Variants in SKIL observed in about 807,000 individuals in gnomAD.
SKIL encodes SKI like proto-oncogene, also known as ski-like protein.
Under a neutral mutation model 69.6 loss-of-function variants are expected in SKIL, and 20 were observed. The observed-to-expected ratio is 0.29, with a 90% CI of 0.20 to 0.42. The LOEUF is 0.42. SKIL is among the 10% of genes least tolerant of loss of function. SKIL has a pLI of 1.00. For missense variants in SKIL, 745 were observed against 783.1 expected (o/e 0.95, Z 0.58); for synonymous variants, 310 against 279.9 (o/e 1.11, Z -1.08).
intron 2 of SKIL, among the ~76,000 whole-genome samples, chr3:170,374,184 CTTATT>C (rs991926758): frequency 7.2e-5 from 11 of 152,146 alleles, no homozygotes; most frequent in Admixed American, 1.3e-4. Context: ...TTAGTTTTTA[CTTATT>C]TTATATTTTT....
At chr3:170,366,762 GTTAC>G (rs1736549284) in intron 2 of SKIL, among the ~76,000 whole-genome samples, 1 of 151,830 alleles carries the variant, frequency 6.6e-6, no homozygotes, top group South Asian at 2.1e-4. Flanking sequence ...ATGTTGTCAA[GTTAC>G]TTACCTGATA....
At chr3:170,367,624 A>G (rs11712973) in intron 2 of SKIL, among the ~76,000 whole-genome samples, 116,722 of 151,714 alleles carry the variant, frequency 0.77, 45,663 homozygotes, top group East Asian at 0.94. Context: ...CTGCCACCAC[A>G]CCCAGCTAAT....
intron 2 of SKIL, among the ~76,000 whole-genome samples, chr3:170,377,231 G>C (rs10936626): frequency 6.6e-6 from 1 of 151,454 alleles, no homozygotes; most frequent in Non-Finnish European, 1.5e-5. Flanking sequence ...GTGATGTTTC[G>C]TTTTCTGTTT....
At chr3:170,385,389 A>T (rs539933840) in intron 4 of SKIL, among the ~76,000 whole-genome samples, 2 of 151,308 alleles carry the variant, frequency 1.3e-5, no homozygotes, top group Non-Finnish European at 1.5e-5. Context: ...ACCGCACCCA[A>T]CCTTTATTTT....
intron 2 of SKIL, among the ~76,000 whole-genome samples, chr3:170,371,239 G>T (rs536702273): frequency 6.6e-6 from 1 of 152,272 alleles, no homozygotes; most frequent in African/African-American, 2.4e-5. Flanking sequence ...GGTGGCTAAC[G>T]CCTGTAATCC....
chr3:170,372,987 A>AT (rs1560212185), intron 2 of SKIL, among the ~76,000 whole-genome samples: 8 of 81,200 alleles, frequency 9.9e-5, no homozygotes, highest in South Asian at 4.0e-4. Flanking sequence ...AATAATTTTC[A>AT]ATTTTTTTTT....
Position 170,359,763 on chromosome 3 carries a change from C to G in SKIL, c.-569C>G, listed in dbSNP as rs938601718. Reference sequence around the variant, plus strand: ...ACTGGGCAATTTTTTAAGTCGGAGGCTGTTCTTACTGGTGTGAGGATTTAC... The same window carrying G: ...ACTGGGCAATTTTTTAAGTCGGAGGGTGTTCTTACTGGTGTGAGGATTTAC... On this transcript the variant is annotated 5_prime_UTR_variant, in exon 2 of 7. Coordinates refer to ENST00000259119, the MANE Select transcript of SKIL (RefSeq NM_005414.5). 6.6e-6 allele frequency: 1 copy of G among 152,114 alleles called. No homozygotes were observed. The highest frequency in any genetic ancestry group is 1.5e-5 in the Non-Finnish European group (1 of 68,048). 9.4% of individuals were successfully genotyped at this position (152,114 alleles called of 1,614,324 possible). A position where few individuals can be genotyped will look rare whatever the true frequency, so the allele number is the denominator to read the frequency against.
chr3:170,367,300 CG>C (rs1188742269), intron 2 of SKIL, among the ~76,000 whole-genome samples: 4 of 151,584 alleles, frequency 2.6e-5, no homozygotes, highest in Admixed American at 2.0e-4. Context: ...TTAGTAGAGA[CG>C]GGGTTTCACC....
At chr3:170,387,864 G>T (rs2108223076) in intron 4 of SKIL, among the ~76,000 whole-genome samples, 2 of 141,648 alleles carry the variant, frequency 1.4e-5, no homozygotes, top group African/African-American at 5.1e-5. Flanking sequence ...AACCCGGGAG[G>T]CGGAGCTTGC....
intron 4 of SKIL, among the ~76,000 whole-genome samples, chr3:170,387,213 G>A (rs1484682702): frequency 6.6e-6 from 1 of 151,858 alleles, no homozygotes; most frequent in Admixed American, 6.6e-5. Context: ...AAGAGACAGG[G>A]TTTTCGCCAT....
At position 170,396,277 on chromosome 3, in the gene SKIL, A is replaced by T. The variant is rs2108232878; in HGVS notation, c.*3860A>T. On this transcript the variant is annotated 3_prime_UTR_variant, in exon 7 of 7. Coordinates refer to ENST00000259119, the MANE Select transcript of SKIL (RefSeq NM_005414.5). ...TGAAAAGAAAGCACAGCATACTTAA[A>T]GTAGTTCTAGTAAACATGTCCTAGA... The T allele has an allele frequency of 6.6e-6, 1 of 152,298 alleles. No individual in the cohort carries two copies. The highest frequency in any genetic ancestry group is 1.5e-5 in the Non-Finnish European group (1 of 67,972). The allele number at this position is 152,298 out of a possible 1,614,324, so 9.4% of individuals were successfully genotyped here.
At chr3:170,380,288 T>C (rs1371209621) in intron 2 of SKIL, among the ~76,000 whole-genome samples, 2 of 152,212 alleles carry the variant, frequency 1.3e-5, no homozygotes, top group Non-Finnish European at 2.9e-5. Context: ...TCTAGCCGAT[T>C]GTAGTACAGG....
In SKIL at chr3:170,384,056, G is replaced by A. The variant is rs965216858; in HGVS notation, c.1197-477G>A. 3.7e-4 allele frequency among the ~76,000 whole-genome samples: 55 copies of A among 148,394 alleles called. 2 individuals are homozygous for A. Among genetic ancestry groups the A allele is most frequent in the African/African-American group, 1.3e-3 (52 of 40,264 alleles). On this transcript the variant is annotated intron_variant, in intron 3 of 6. Transcript: ENST00000259119. ...ACTTGCCAAAAAAAAAAAAAAACAC[G>A]AAATTACTTGCAAGCTGGTTATGGT...
chr3:170,391,508 A>G (rs1737917742), intron 6 of SKIL, among the ~76,000 whole-genome samples: 1 of 151,882 alleles, frequency 6.6e-6, no homozygotes. Flanking sequence ...TTTAGTAGAG[A>G]CGGGGTTTCA....
chr3:170,381,537 A>G (rs1350809858), intron 3 of SKIL, among the ~76,000 whole-genome samples, 196 bp downstream of exon 3: 1 of 151,874 alleles, frequency 6.6e-6, no homozygotes, highest in African/African-American at 2.4e-5. Context: ...GGTTCAAGCG[A>G]TTCTCCTGCC....
rs559327626 is a variant in SKIL, at chr3:170,394,115, A to ATTTTTTTTTTTTTT, written c.*1716_*1729dup. 4.0e-5 allele frequency: 3 copies of ATTTTTTTTTTTTTT among 74,324 alleles called. No homozygotes were observed. Among genetic ancestry groups the ATTTTTTTTTTTTTT allele is most frequent in the African/African-American group, 1.6e-4 (3 of 19,300 alleles). 4.6% of individuals were successfully genotyped at this position (74,324 alleles called of 1,614,324 possible). A position where few individuals can be genotyped will look rare whatever the true frequency, so the allele number is the denominator to read the frequency against. ...ATATTAAAATGACATGTAGAAACAA[A>ATTTTTTTTTTTTTT]TTTTTTTTTTTTTTTTTTTTTTTTT... On this transcript the variant is annotated 3_prime_UTR_variant, in exon 7 of 7. Coordinates refer to ENST00000259119, the MANE Select transcript of SKIL (RefSeq NM_005414.5).
At chr3:170,357,906 G>A (rs1736013188) in intron 1 of SKIL, 143 bp downstream of exon 1, 1 of 152,898 alleles carries the variant, frequency 6.5e-6, no homozygotes, top group Non-Finnish European at 1.5e-5. Flanking sequence ...CGAGGCCCGA[G>A]TAGGGGGTTT....
At chr3:170,358,495 G>T (rs115616180) in intron 1 of SKIL, 1,570 of 152,850 alleles carry the variant, frequency 0.01, 23 homozygotes, top group African/African-American at 0.036. Flanking sequence ...AGTGGGCGGA[G>T]GACTTCAGGG....
rs1399311134 is a variant in SKIL at position 170,390,483 on chromosome 3, T to C, written c.1671+19T>C. 1 of 1,594,832 alleles carries C rather than the reference T, an allele frequency of 6.3e-7. No homozygotes were observed. ...TCAGATGGTAAAATTGTTATCTAAA[T>C]GATAGTCCATTATGAAAAGATACTT... On this transcript the variant is annotated intron_variant, in intron 5 of 6. Transcript: ENST00000259119.
Sources: gnomAD v4.1 joint callset for allele counts (sites outside exome capture counted in the v4.1 genomes callset) on GRCh38, gnomAD v4.1.1 for gene constraint, MANE v1.5 for transcripts, NCBI Gene and HGNC (gene_info 2026-07-23, HGNC 2026-07-21) for gene names.